GABBR2: variants seen among roughly 807,000 people sequenced by gnomAD.
The protein encoded by GABBR2 is G-protein coupled receptor 51.
In GABBR2, 23 loss-of-function variants were observed where a neutral mutation model predicts 105.6. The ratio of observed to expected loss-of-function variants is 0.22; its 90% CI spans 0.16 to 0.31. GABBR2 has a LOEUF of 0.31. Among genes scored for constraint, GABBR2 ranks in the 10% least tolerant of loss-of-function variants. The pLI is 1.00. For missense variants in GABBR2, 734 were observed against 1,245.5 expected, an observed-to-expected ratio of 0.59 and a Z score of 6.18; for synonymous variants, 478 against 499.7, an observed-to-expected ratio of 0.96 and a Z score of 0.58.
At chr9:98,349,582 C>T (rs1831362020) in intron 13 of GABBR2, among the ~76,000 whole-genome samples, 1 of 152,014 alleles carries the variant, frequency 6.6e-6, no homozygotes, top group South Asian at 2.1e-4. Context: ...TCTCGAACTC[C>T]TGACCTCGTG....
At chr9:98,402,754 C>G (rs1424557077) in intron 8 of GABBR2, among the ~76,000 whole-genome samples, 1 of 152,150 alleles carries the variant, frequency 6.6e-6, no homozygotes, top group Admixed American at 6.5e-5. Context: ...TATTTATCCT[C>G]CCCTTCTCAT....
intron 11 of GABBR2, among the ~76,000 whole-genome samples, chr9:98,379,625 T>A (rs1182014206): frequency 2.6e-5 from 4 of 152,210 alleles, no homozygotes; most frequent in Non-Finnish European, 4.4e-5. Flanking sequence ...CTTAATGGTA[T>A]CCAGAGGTGA....
intron 8 of GABBR2, among the ~76,000 whole-genome samples, chr9:98,395,385 C>T (rs1228954816): frequency 6.6e-6 from 1 of 152,016 alleles, no homozygotes; most frequent in Non-Finnish European, 1.5e-5. Flanking sequence ...CAGAGATGCT[C>T]TTGAGTCTAG....
intron 7 of GABBR2, among the ~76,000 whole-genome samples, chr9:98,446,335 C>T (rs1826128930): frequency 6.6e-6 from 1 of 152,158 alleles, no homozygotes; most frequent in Non-Finnish European, 1.5e-5. Context: ...CCCACAGCCA[C>T]ACTTTGAAAG....
chr9:98,672,754 C>A (rs981074756), intron 1 of GABBR2, among the ~76,000 whole-genome samples: 2 of 152,174 alleles, frequency 1.3e-5, no homozygotes, highest in East Asian at 3.8e-4. Flanking sequence ...GGGAACTAGA[C>A]AGTTTATCTT....
At chr9:98,376,693 C>T (rs955854400) in intron 11 of GABBR2, among the ~76,000 whole-genome samples, 1 of 152,124 alleles carries the variant, frequency 6.6e-6, no homozygotes, top group Non-Finnish European at 1.5e-5. Context: ...AGAAACAGCC[C>T]CAGAAGACCC....
chr9:98,673,912 G>GT (rs1027601714), intron 1 of GABBR2, among the ~76,000 whole-genome samples: 8 of 152,120 alleles, frequency 5.3e-5, no homozygotes, highest in South Asian at 4.2e-4. Flanking sequence ...AATGATAATG[G>GT]TTTTTTTTAA....
At chr9:98,513,319 G>A (rs546035231) in intron 3 of GABBR2, among the ~76,000 whole-genome samples, 10 of 152,254 alleles carry the variant, frequency 6.6e-5, no homozygotes, top group Admixed American at 6.5e-5. Context: ...GAAAACCTAG[G>A]CAATAAGATT....
rs138723548 is a variant in GABBR2, at chr9:98,593,390, G to A, written c.322-15318C>T. Among the ~76,000 whole-genome samples, 983 of 152,346 alleles carry A rather than the reference G, an allele frequency of 6.5e-3. 5 individuals carry two copies. Among genetic ancestry groups the A allele is most frequent in the African/African-American group, 0.022 (935 of 41,572 alleles). On this transcript the variant is annotated intron_variant, in intron 1 of 18. Transcript: ENST00000259455. ...TTATTCAAGTGAGGAAGGGCAGGGC[G>A]TGGGGAGGGGTGAGAGACCAGTGCA... is the stretch of plus-strand genomic sequence containing the variant.
chr9:98,643,970 A>G (rs901571495), intron 1 of GABBR2, among the ~76,000 whole-genome samples: 2 of 152,172 alleles, frequency 1.3e-5, no homozygotes, highest in Non-Finnish European at 2.9e-5. Flanking sequence ...AAAGTTTCTG[A>G]ATGATTCAGT....
intron 6 of GABBR2, among the ~76,000 whole-genome samples, chr9:98,464,311 C>T (rs1826496031): frequency 6.8e-6 from 1 of 146,286 alleles, no homozygotes; most frequent in East Asian, 2.1e-4. Flanking sequence ...TGAGGAGTAC[C>T]TCAGCCCAGC....
chr9:98,421,446 T>G (rs573090667), intron 7 of GABBR2, among the ~76,000 whole-genome samples: 17 of 152,176 alleles, frequency 1.1e-4, no homozygotes, highest in Non-Finnish European at 2.4e-4. Context: ...AGGAATAAAA[T>G]TAAAACTTTA....
At chr9:98,506,895 T>C (rs950281297) in intron 3 of GABBR2, among the ~76,000 whole-genome samples, 6 of 152,148 alleles carry the variant, frequency 3.9e-5, no homozygotes, top group Non-Finnish European at 1.5e-5. Context: ...CTGTCAGCAC[T>C]ATCACTGCAC....
At chr9:98,399,416 G>A (rs1381932297) in intron 8 of GABBR2, among the ~76,000 whole-genome samples, 7 of 151,000 alleles carry the variant, frequency 4.6e-5, no homozygotes, top group Non-Finnish European at 7.4e-5. Flanking sequence ...CCTAGATTCT[G>A]CCAGGTAGAC....
chr9:98,696,313 C>A (rs2131882498), intron 1 of GABBR2, among the ~76,000 whole-genome samples: 1 of 152,292 alleles, frequency 6.6e-6, no homozygotes, highest in Non-Finnish European at 1.5e-5. Flanking sequence ...TGTGGCTGGG[C>A]CTGAAGAAGA....
At chr9:98,343,398 C>T (rs546174979) in intron 13 of GABBR2, among the ~76,000 whole-genome samples, 156 of 152,126 alleles carry the variant, frequency 1.0e-3, no homozygotes, top group African/African-American at 3.6e-3. Context: ...TCTGCCATGT[C>T]GCTCCATTTC....
chr9:98,477,397 G>A (rs986284017), intron 5 of GABBR2, among the ~76,000 whole-genome samples: 3 of 152,060 alleles, frequency 2.0e-5, no homozygotes, highest in African/African-American at 7.2e-5. Context: ...ATGATACCAC[G>A]CCCAGCTAAT....
rs535460336 is a variant in GABBR2 at position 98,383,044 on chromosome 9, G to A, written c.1662+2596C>T. ...TAACCCCTGCCTCCCAGGTTCAAGCGATTCTCCTGCCCTCAGCCTCCTGAG... is the reference window on the plus strand; with the variant it reads ...TAACCCCTGCCTCCCAGGTTCAAGCAATTCTCCTGCCCTCAGCCTCCTGAG... On this transcript the variant is annotated intron_variant, in intron 11 of 18. Coordinates refer to ENST00000259455, the MANE Select transcript of GABBR2 (RefSeq NM_005458.8). 2.0e-5 allele frequency among the ~76,000 whole-genome samples: 3 copies of A among 152,150 alleles called. No individual in the cohort carries two copies. In the South Asian group the frequency reaches 6.2e-4, roughly 32 times the overall value.
chr9:98,429,817 C>T (rs1182659789), intron 7 of GABBR2, among the ~76,000 whole-genome samples: 1 of 152,174 alleles, frequency 6.6e-6, no homozygotes, highest in Non-Finnish European at 1.5e-5. Context: ...TTTTAAGTAG[C>T]TTACTGGGAT....
Sources: gnomAD v4.1 joint callset for allele counts (sites outside exome capture counted in the v4.1 genomes callset) on GRCh38, gnomAD v4.1.1 for gene constraint, MANE v1.5 for transcripts, NCBI Gene and HGNC (gene_info 2026-07-23, HGNC 2026-07-21) for gene names.